UBR2: variants seen among roughly 807,000 people sequenced by gnomAD.
UBR2 encodes E3 ubiquitin-protein ligase UBR2.
Under a neutral mutation model 247.9 loss-of-function variants are expected in UBR2, and 92 were observed. The observed-to-expected ratio is 0.37, with a 90% CI of 0.31 to 0.44. UBR2 has a LOEUF of 0.44. UBR2 is among the 20% of genes least tolerant of loss of function. The pLI is 1.00. For missense variants in UBR2, 1,613 were observed against 2,112.6 expected, an observed-to-expected ratio of 0.76 and a Z score of 4.64; for synonymous variants, 672 against 693.5, an observed-to-expected ratio of 0.97 and a Z score of 0.49.
At position 42,658,048 on chromosome 6, in the gene UBR2, C is replaced by A. The variant is rs1485791970; in HGVS notation, c.2897C>A (p.Ser966Tyr). The change falls in exon 27 of 47, where the codon TCT (serine) becomes TAT (tyrosine). Residue 966 changes from serine (S) to tyrosine (Y), a missense_variant. Physicochemically the swap from Ser to Tyr is moderately radical, Grantham distance 144. Coordinates refer to ENST00000372901, the MANE Select transcript of UBR2 (RefSeq NM_001363705.2). Reference sequence around the variant, plus strand: ...GAACCTGGTGAAGCGCCAAAAAATTCTCCTAGCATACTAGCTATGCTGGAA... The same window carrying A: ...GAACCTGGTGAAGCGCCAAAAAATTATCCTAGCATACTAGCTATGCTGGAA... ...ISKPGEAPKN[S>Y]PSILAMLETL... 12 of 1,613,842 alleles carry A rather than the reference C, an allele frequency of 7.4e-6. No individual in the cohort carries two copies. The East Asian group carries it at 2.7e-4, about 36-fold the overall frequency.
rs1791334754 is a variant in UBR2, at chr6:42,573,946, T to C, written c.291T>C (p.His97=). The C allele has an allele frequency of 5.0e-6, 8 of 1,612,658 alleles. No individual in the cohort carries two copies. Among genetic ancestry groups the C allele is most frequent in the Non-Finnish European group, 6.8e-6 (8 of 1,179,564 alleles). The change falls in exon 2 of 47, where the codon CAT becomes CAC. Residue 97 remains histidine (H), a synonymous_variant. Coordinates refer to ENST00000372901, the MANE Select transcript of UBR2 (RefSeq NM_001363705.2). Reference sequence around the variant, plus strand: ...TTGAGCAAGCAAACAAACCTTCTCATCTTTGTGGTCGTGTTTTTAAAGTAG... The same window carrying C: ...TTGAGCAAGCAAACAAACCTTCTCACCTTTGTGGTCGTGTTTTTAAAGTAG... ...PKLEQANKPS[H]LCGRVFKVGE... is the part of the protein sequence containing the mutation.
intron 11 of UBR2, among the ~76,000 whole-genome samples, chr6:42,624,857 G>A (rs545516958): frequency 5.9e-5 from 9 of 152,298 alleles, no homozygotes; most frequent in Non-Finnish European, 8.8e-5. Flanking sequence ...TACAAATCTT[G>A]TGATTGCTGG....
intron 26 of UBR2, among the ~76,000 whole-genome samples, chr6:42,656,190 G>A (rs781782356): frequency 1.3e-5 from 2 of 152,128 alleles, no homozygotes; most frequent in Non-Finnish European, 2.9e-5. Context: ...TGAACCATTT[G>A]TTGTAGACAT....
intron 11 of UBR2, among the ~76,000 whole-genome samples, chr6:42,630,211 G>T (rs1178790111): frequency 6.7e-6 from 1 of 149,204 alleles, no homozygotes; most frequent in Non-Finnish European, 1.5e-5. Flanking sequence ...AATTGAGAGA[G>T]TCTTGCTCTG....
chr6:42,658,304 G>C lies in UBR2; in HGVS notation c.3047G>C (p.Gly1016Ala). The change falls in exon 28 of 47, where the codon GGA becomes GCA. Residue 1016 changes from glycine to alanine, a missense_variant. This residue lies in a region of UBR2 where 1,524 missense variants were observed against 1,967.3 expected (regional missense o/e 0.77). Transcript: ENST00000372901. Reference sequence around the variant, plus strand: ...ACCAGTCCCGTGGCAGAGACAGAAGGAACCATAATGGAAGAGGTATAAACA... The same window carrying C: ...ACCAGTCCCGTGGCAGAGACAGAAGCAACCATAATGGAAGAGGTATAAACA... The part of the protein sequence containing the change: ...SPTSPVAETE[G>A]TIMEESSRDK... 1 of 1,613,642 alleles carries C rather than the reference G, an allele frequency of 6.2e-7. No individual in the cohort carries two copies. The highest frequency in any genetic ancestry group is 8.5e-7 in the Non-Finnish European group (1 of 1,179,888).
In UBR2 at chr6:42,659,875, T is replaced by G; in HGVS notation, c.3442+20T>G. 1 of 1,608,792 alleles carries G rather than the reference T, an allele frequency of 6.2e-7. No homozygotes were observed. Among genetic ancestry groups the G allele is most frequent in the Non-Finnish European group, 8.5e-7 (1 of 1,176,024 alleles). On this transcript the variant is annotated intron_variant, in intron 30 of 46. Transcript: ENST00000372901. This position sits in a 1 kb window ranked among gnomAD's most constrained non-coding sequence, Gnocchi z 4.3. ...ATCCAGGTAAGTCATAGCTAGATCC[T>G]CATCTTCCCTTTTAATAACAACTGC...
intron 7 of UBR2, among the ~76,000 whole-genome samples, chr6:42,606,947 T>A (rs183865609): frequency 6.6e-6 from 1 of 152,148 alleles, no homozygotes; most frequent in Non-Finnish European, 1.5e-5. Flanking sequence ...GTGTTACTTC[T>A]TAGAAATTTA....
chr6:42,663,424 G>C lies in UBR2; in HGVS notation c.3698+5G>C. 4 of 1,602,846 alleles carry C rather than the reference G, an allele frequency of 2.5e-6. No homozygotes were observed. Among genetic ancestry groups the C allele is most frequent in the Non-Finnish European group, 2.6e-6 (3 of 1,175,414 alleles). On this transcript the variant is annotated splice_donor_5th_base_variant and intron_variant, in intron 32 of 46. Transcript: ENST00000372901. ...TCCAAGAAATATTTTTAACAAGTAA[G>C]TTTTGGCTCATGACAACTATTACAA...
At chr6:42,606,716 C>T (rs552558744) in intron 7 of UBR2, 65 bp downstream of exon 7, 1 of 1,314,814 alleles carries the variant, frequency 7.6e-7, no homozygotes, top group East Asian at 2.5e-5. Flanking sequence ...CATATTTCAG[C>T]ATTTATGAAC....
intron 37 of UBR2, 117 bp from the exon 38 acceptor site, chr6:42,674,009 A>T (rs904037269): frequency 1.5e-6 from 2 of 1,310,060 alleles, no homozygotes; most frequent in African/African-American, 1.5e-5. Context: ...CTTATATATA[A>T]GCTCTAGCTT....
rs1554251969 is a variant in UBR2, at chr6:42,619,453, A to ATTTTTTTTTTT, written c.1281+1948_1281+1958dup. The ATTTTTTTTTTT allele has an allele frequency of 8.8e-4, 21 of 23,846 alleles. 1 individual carries two copies. The highest frequency in any genetic ancestry group is 4.9e-3 in the East Asian group (3 of 608). The allele number at this position is 23,846 out of a possible 1,614,324, so 1.5% of individuals were successfully genotyped here. A position where few individuals can be genotyped will look rare whatever the true frequency, so the allele number is the denominator to read the frequency against. ...TATATATATATATATATATATATATATTTTTTTTTTTTAGTTCTCTATCTC... is the reference window on the plus strand; with the variant it reads ...TATATATATATATATATATATATATATTTTTTTTTTTTTTTTTTTTTTTAGTTCTCTATCTC... On this transcript the variant is annotated intron_variant, in intron 11 of 46. Coordinates refer to ENST00000372901, the MANE Select transcript of UBR2 (RefSeq NM_001363705.2).
chr6:42,640,599 A>G (rs1582619522), intron 16 of UBR2, among the ~76,000 whole-genome samples: 2 of 152,272 alleles, frequency 1.3e-5, no homozygotes, highest in East Asian at 3.9e-4. Context: ...TCTTGAGTAC[A>G]GTGGCTGTCA....
chr6:42,687,164 G>C (rs935989086), intron 44 of UBR2, among the ~76,000 whole-genome samples: 4 of 152,226 alleles, frequency 2.6e-5, no homozygotes, highest in African/African-American at 9.6e-5. Context: ...AGCGAGCCGA[G>C]ATCGCGCCAC....
chr6:42,690,848 A>C (rs1799718000), intron 46 of UBR2, among the ~76,000 whole-genome samples, 184 bp from the exon 47 acceptor site: 1 of 151,964 alleles, frequency 6.6e-6, no homozygotes, highest in Admixed American at 6.6e-5. Flanking sequence ...ATTCCCTTTT[A>C]CCTGCTCTTG....
intron 8 of UBR2, among the ~76,000 whole-genome samples, chr6:42,613,280 A>G (rs1306144953): frequency 6.6e-6 from 1 of 152,226 alleles, no homozygotes; most frequent in Non-Finnish European, 1.5e-5. Context: ...TGGATAAGTG[A>G]CATTCAGATG....
chr6:42,652,428 CAA>C (rs1797176783), intron 24 of UBR2, 61 bp from the exon 25 acceptor site: 16 of 1,498,144 alleles, frequency 1.1e-5, no homozygotes, highest in Admixed American at 4.6e-5. Flanking sequence ...TCAAAAGTAA[CAA>C]AGAGATAGTT....
intron 7 of UBR2, among the ~76,000 whole-genome samples, chr6:42,610,599 A>G (rs573732404): frequency 6.6e-6 from 1 of 152,334 alleles, no homozygotes; most frequent in South Asian, 2.1e-4. Flanking sequence ...GATAAATAGC[A>G]TATGATTCTA....
chr6:42,652,432 GAGAT>G lies in UBR2; in HGVS notation c.2615-56_2615-53del, dbSNP rs1279472439. 6.4e-5 allele frequency: 97 copies of G among 1,506,504 alleles called. No homozygotes were observed. The East Asian group carries it at 2.1e-3, about 32-fold the overall frequency. 93.3% of individuals were successfully genotyped at this position (1,506,504 alleles called of 1,614,324 possible). A position where few individuals can be genotyped will look rare whatever the true frequency, so the allele number is the denominator to read the frequency against. ...AGTTAAAACTATCAAAAGTAACAAA[GAGAT>G]AGTTTCTAAAGCATGTTCTGTAAAA... On this transcript the variant is annotated intron_variant, in intron 24 of 46. Transcript: ENST00000372901.
At chr6:42,613,848 A>G (rs531819265) in intron 8 of UBR2, among the ~76,000 whole-genome samples, 1 of 150,992 alleles carries the variant, frequency 6.6e-6, no homozygotes, top group South Asian at 2.1e-4. Context: ...TTAATTTTGC[A>G]TGCTTGAAAA....
Sources: gnomAD v4.1 joint callset for allele counts (sites outside exome capture counted in the v4.1 genomes callset) on GRCh38, gnomAD v4.1.1 for gene constraint, gnomAD v4.1.1 regional missense constraint, Gnocchi (gnomAD v3.1) non-coding constraint, MANE v1.5 for transcripts, NCBI Gene and HGNC (gene_info 2026-07-23, HGNC 2026-07-21) for gene names.